Variants in THSD4 observed in about 807,000 individuals in gnomAD.
THSD4 encodes the protein thrombospondin type 1 domain containing 4.
Under a neutral mutation model 119.0 loss-of-function variants are expected in THSD4, and 69 were observed. The ratio of observed to expected loss-of-function variants is 0.58; its 90% CI spans 0.48 to 0.71. The LOEUF (loss-of-function observed/expected upper bound fraction) is 0.71, where lower values mean the gene tolerates loss of function less well. Ranked by LOEUF, THSD4 falls within the 30% of genes least tolerant of loss-of-function variation. The pLI is 0.00. For synonymous variants in THSD4, 524 were observed against 540.4 expected (o/e 0.97, Z 0.42); for missense variants, 1,393 against 1,391.1 (o/e 1.00, Z -0.02).
rs370438216 is a variant in THSD4, at chr15:71,534,314, T to A, written c.1152+122491T>A. Among the ~76,000 whole-genome samples, 269 of 152,342 alleles carry A rather than the reference T, an allele frequency of 1.8e-3. 17 individuals are homozygous for A. The South Asian group carries it at 0.054, about 31-fold the overall frequency. ...TCAACCCTGTGTCAGACTACCTGTT[T>A]CCCTAGACTCTTGCCAGTAATGGGC... On this transcript the variant is annotated intron_variant, in intron 7 of 17. Coordinates refer to ENST00000261862, the MANE Select transcript of THSD4 (RefSeq NM_024817.3).
intron 6 of THSD4, among the ~76,000 whole-genome samples, chr15:71,390,058 C>G (rs538635620): frequency 1.3e-5 from 2 of 152,098 alleles, no homozygotes; most frequent in Non-Finnish European, 2.9e-5. Context: ...CCACCTCAGC[C>G]TCTCAAAGTG....
intron 1 of THSD4, among the ~76,000 whole-genome samples, chr15:71,098,063 T>C (rs982366706): frequency 6.6e-6 from 1 of 152,138 alleles, no homozygotes; most frequent in African/African-American, 2.4e-5. Flanking sequence ...AGAAATTGTT[T>C]CTCCAGATCT....
At chr15:71,602,992 T>TCTGG (rs1231177421) in intron 7 of THSD4, among the ~76,000 whole-genome samples, 2 of 152,236 alleles carry the variant, frequency 1.3e-5, no homozygotes, top group African/African-American at 4.8e-5. Context: ...CCCAGGGCTT[T>TCTGG]CTGGCTCTAA....
chr15:71,473,347 C>G (rs1336150233), intron 7 of THSD4, among the ~76,000 whole-genome samples: 2 of 152,170 alleles, frequency 1.3e-5, no homozygotes, highest in Non-Finnish European at 2.9e-5. Context: ...TGTGAGCCAC[C>G]GTGCCTGGCC....
chr15:71,183,550 G>A (rs1366739314), intron 3 of THSD4, among the ~76,000 whole-genome samples: 1 of 151,560 alleles, frequency 6.6e-6, no homozygotes, highest in Non-Finnish European at 1.5e-5. Flanking sequence ...TACAGATAAG[G>A]GGTTTAGAAT....
At chr15:71,311,586 T>A (rs2045111953) in intron 6 of THSD4, among the ~76,000 whole-genome samples, 1 of 152,204 alleles carries the variant, frequency 6.6e-6, no homozygotes, top group Non-Finnish European at 1.5e-5. Context: ...AACTGTGCAC[T>A]GATCCTTGCC....
At chr15:71,310,717 T>C (rs964455921) in intron 6 of THSD4, among the ~76,000 whole-genome samples, 1 of 152,108 alleles carries the variant, frequency 6.6e-6, no homozygotes, top group African/African-American at 2.4e-5. Flanking sequence ...CAGAAAAGCA[T>C]TGGGAAAGTT....
chr15:71,218,664 T>C (rs2043953767), intron 4 of THSD4, among the ~76,000 whole-genome samples: 1 of 152,200 alleles, frequency 6.6e-6, no homozygotes, highest in Admixed American at 6.5e-5. Flanking sequence ...GAAAATCACA[T>C]TTGCTTATAT....
At chr15:71,355,383 G>A (rs11633972) in intron 6 of THSD4, among the ~76,000 whole-genome samples, 32,274 of 152,020 alleles carry the variant, frequency 0.21, 3,870 homozygotes, top group East Asian at 0.53. Flanking sequence ...TTTAAAGGCT[G>A]TGTGTGTCAT....
At chr15:71,426,553 A>G (rs1426732062) in intron 7 of THSD4, among the ~76,000 whole-genome samples, 1 of 152,028 alleles carries the variant, frequency 6.6e-6, no homozygotes, top group Non-Finnish European at 1.5e-5. Flanking sequence ...CTTAGAGTTT[A>G]TATTTTTAGT....
chr15:71,739,151 AC>A, intron 11 of THSD4, among the ~76,000 whole-genome samples: 1 of 151,360 alleles, frequency 6.6e-6, no homozygotes, highest in East Asian at 2.0e-4. Flanking sequence ...GCTGGCTTTT[AC>A]ACTGACCAAC....
chr15:71,259,122 AC>A (rs2044359321), intron 6 of THSD4, among the ~76,000 whole-genome samples: 1 of 151,720 alleles, frequency 6.6e-6, no homozygotes, highest in South Asian at 2.1e-4. Flanking sequence ...TCAAAAAAAA[AC>A]AAAAAACAAA....
intron 8 of THSD4, among the ~76,000 whole-genome samples, chr15:71,708,481 A>G (rs567933849): frequency 6.6e-6 from 1 of 152,334 alleles, no homozygotes; most frequent in African/African-American, 2.4e-5. Context: ...GTCTTGAGAA[A>G]ATACCAAACG....
chr15:71,746,526 C>G (rs929184967), intron 12 of THSD4, among the ~76,000 whole-genome samples: 2 of 152,170 alleles, frequency 1.3e-5, no homozygotes, highest in Admixed American at 6.5e-5. Flanking sequence ...TCCCGAGTAG[C>G]TGGGACTACA....
intron 7 of THSD4, among the ~76,000 whole-genome samples, chr15:71,413,411 A>AT (rs1192824525): frequency 5.3e-5 from 8 of 152,080 alleles, no homozygotes; most frequent in African/African-American, 1.9e-4. Context: ...TTCTAACTGT[A>AT]TTTTTTTGCC....
rs545276440 is a variant in THSD4, at chr15:71,191,657, ACTGAGCCC to A, written c.100-23371_100-23364del. On this transcript the variant is annotated intron_variant, in intron 3 of 17. Transcript: ENST00000261862. ...TGGTGGAACAGAAATTCAAGCTCAT[ACTGAGCCC>A]CTGAGCTCTCACTCTTCAGTGCTGT... Among the ~76,000 whole-genome samples, 9 of 152,170 alleles carry A rather than the reference ACTGAGCCC, an allele frequency of 5.9e-5. No homozygotes were observed. The South Asian group carries it at 1.9e-3, about 32-fold the overall frequency.
At chr15:71,341,717 A>C (rs2045580578) in intron 6 of THSD4, 1 of 1,054,830 alleles carries the variant, frequency 9.5e-7, no homozygotes, top group Non-Finnish European at 1.5e-6. Context: ...AACCATTTTC[A>C]CAGATTACCT....
intron 8 of THSD4, among the ~76,000 whole-genome samples, chr15:71,678,425 G>T (rs8026748): frequency 1.3e-5 from 2 of 151,968 alleles, no homozygotes; most frequent in Non-Finnish European, 2.9e-5. Flanking sequence ...TTCCTTCCTC[G>T]TGAGCATCAG....
chr15:71,180,180 A>T (rs1326077156), intron 3 of THSD4, among the ~76,000 whole-genome samples: 3 of 151,782 alleles, frequency 2.0e-5, no homozygotes, highest in Non-Finnish European at 4.4e-5. Context: ...ATAAAAAAAA[A>T]AAAAGACACT....
Sources: gnomAD v4.1 joint callset for allele counts (sites outside exome capture counted in the v4.1 genomes callset) on GRCh38, gnomAD v4.1.1 for gene constraint, MANE v1.5 for transcripts, NCBI Gene and HGNC (gene_info 2026-07-23, HGNC 2026-07-21) for gene names.